PGLYRP4: variants seen among roughly 807,000 people sequenced by gnomAD.
PGLYRP4 encodes the protein PGRP-I-beta.
Under a neutral mutation model 41.2 loss-of-function variants are expected in PGLYRP4, and 39 were observed. That is an observed-to-expected ratio of 0.95 (90% CI 0.73 to 1.24). The LOEUF (loss-of-function observed/expected upper bound fraction) is 1.24. Among genes scored for constraint, PGLYRP4 ranks in the 50% most tolerant of loss-of-function variants. PGLYRP4 has a pLI of 0.00. For missense variants in PGLYRP4, 467 were observed against 460.7 expected (o/e 1.01, Z -0.13); for synonymous variants, 202 against 186.8 (o/e 1.08, Z -0.66).
Position 153,345,391 on chromosome 1 carries a change from C to A in PGLYRP4, c.140-9G>T. 6.2e-7 allele frequency: 1 copy of A among 1,612,016 alleles called. No individual in the cohort carries two copies. The highest frequency in any genetic ancestry group is 8.5e-7 in the Non-Finnish European group (1 of 1,178,170). On this transcript the variant is annotated splice_polypyrimidine_tract_variant and intron_variant, in intron 3 of 8. Transcript: ENST00000359650. ...GACATCTGTGGGAAGGCCTTGGGGA[C>A]GTCACTCAGCGCACCTGCCCCATCA...
intron 6 of PGLYRP4, 150 bp from the exon 7 acceptor site, chr1:153,340,729 G>T (rs1455769377): frequency 3.1e-6 from 2 of 648,386 alleles, no homozygotes; most frequent in African/African-American, 3.7e-5. Context: ...GCCCCCAACA[G>T]TGGGACTTGA....
At position 153,345,340 on chromosome 1, in the gene PGLYRP4, C is replaced by A. The variant is rs572609507; in HGVS notation, c.182G>T (p.Trp61Leu). The A allele has an allele frequency of 2.5e-6, 4 of 1,614,186 alleles. No individual in the cohort carries two copies. In the East Asian group the frequency reaches 8.9e-5, roughly 36 times the overall value. ...ACTGCAGCCAACAGCTTCTGCCCCC[C>A]ATGCCTTGCGAGAGACCGTGGTGGA... ...DVSTTVSRKA[W>L]GAEAVGCSIQ... Residue 61 changes from tryptophan (W) to leucine (L), a missense_variant, in exon 4 of 9, where the codon TGG (tryptophan) becomes TTG (leucine). Coordinates refer to ENST00000359650, the MANE Select transcript of PGLYRP4 (RefSeq NM_020393.4).
In PGLYRP4 at chr1:153,340,474, C is replaced by T; in HGVS notation, c.731G>A (p.Arg244Lys). 1 of 1,614,202 alleles carries T rather than the reference C, an allele frequency of 6.2e-7. No individual in the cohort carries two copies. The highest frequency in any genetic ancestry group is 8.5e-7 in the Non-Finnish European group (1 of 1,180,022). ...KYGIIIHTAG[R>K]TCNISDECRL... Reference sequence around the variant, plus strand: ...GCACTCATCAGAAATGTTGCAGGTCCTCCCGGCAGTGTGGATAATGATGCC... The same window carrying T: ...GCACTCATCAGAAATGTTGCAGGTCTTCCCGGCAGTGTGGATAATGATGCC... Residue 244 changes from arginine (R) to lysine (K), a missense_variant, in exon 7 of 9, where the codon AGG becomes AAG. Transcript: ENST00000359650.
rs191208797 is a variant in PGLYRP4, at chr1:153,345,751, C to T, written c.139+351G>A. ...GTGTGCTCTCTGATCATTTCCTCTGCGGTTCTGAGTGTTCCCTGAGGGGAC... is the reference window on the plus strand; with the variant it reads ...GTGTGCTCTCTGATCATTTCCTCTGTGGTTCTGAGTGTTCCCTGAGGGGAC... On this transcript the variant is annotated intron_variant, in intron 3 of 8. Coordinates refer to ENST00000359650, the MANE Select transcript of PGLYRP4 (RefSeq NM_020393.4). Among the ~76,000 whole-genome samples the T allele has an allele frequency of 3.1e-3, 468 of 152,318 alleles. 2 individuals carry two copies. Among genetic ancestry groups the T allele is most frequent in the African/African-American group, 0.01 (422 of 41,562 alleles).
At chr1:153,338,873 A>ATTG (rs1660677578) in intron 7 of PGLYRP4, among the ~76,000 whole-genome samples, 1 of 152,138 alleles carries the variant, frequency 6.6e-6, no homozygotes, top group Admixed American at 6.5e-5. Flanking sequence ...CCCTACTAGA[A>ATTG]CTTATTTGTT....
intron 5 of PGLYRP4, 45 bp downstream of exon 5, chr1:153,343,045 G>A: frequency 1.6e-6 from 2 of 1,237,476 alleles, no homozygotes; most frequent in Non-Finnish European, 2.4e-6. Context: ...CTGAGACAAA[G>A]GATTAGAGAA....
At chr1:153,336,369 C>CAAAAAAACAAAAA (rs1660561855) in intron 8 of PGLYRP4, among the ~76,000 whole-genome samples, 1 of 76,498 alleles carries the variant, frequency 1.3e-5, no homozygotes, top group Non-Finnish European at 2.2e-5. Flanking sequence ...GACTCCATCT[C>CAAAAAAACAAAAA]AAAAAAAAAA....
Position 153,340,435 on chromosome 1 carries a change from C to A in PGLYRP4, c.770G>T (p.Arg257Leu). 1.2e-6 allele frequency: 2 copies of A among 1,614,138 alleles called. No homozygotes were observed. Among genetic ancestry groups the A allele is most frequent in the African/African-American group, 1.3e-5 (1 of 75,012 alleles). Residue 257 changes from arginine (R) to leucine (L), a missense_variant, in exon 7 of 9, where the codon CGG (arginine) becomes CTG (leucine). By Grantham distance (102) the Arg-to-Leu change is moderately radical. Coordinates refer to ENST00000359650, the MANE Select transcript of PGLYRP4 (RefSeq NM_020393.4). ...GTCTATGTAGAAAGACTGGATGTCC[C>A]GGACCAGCAGGCGGCACTCATCAGA... The part of the protein sequence containing the change: ...NISDECRLLV[R>L]DIQSFYIDRL...
rs906711578 is a variant in PGLYRP4 at position 153,339,179 on chromosome 1, C to G, written c.824+1202G>C. Among the ~76,000 whole-genome samples, 19 of 152,350 alleles carry G rather than the reference C, an allele frequency of 1.2e-4. No individual in the cohort carries two copies. The South Asian group carries it at 3.5e-3, about 28-fold the overall frequency. On this transcript the variant is annotated intron_variant, in intron 7 of 8. Coordinates refer to ENST00000359650, the MANE Select transcript of PGLYRP4 (RefSeq NM_020393.4). ...GACCTGAATGGAAAAAGGGAAAGGG[C>G]CTCCCCTCAGCCTCCACCACTTTCC...
rs201890699 is a variant in PGLYRP4, at chr1:153,346,085, A to T, written c.139+17T>A. On this transcript the variant is annotated intron_variant, in intron 3 of 8. Transcript: ENST00000359650. Reference sequence around the variant, plus strand: ...CAGCTCGTCCCAAAACCCCCTTACTATCCAGATCCAGTTTACCTTTTTCAG... The same window carrying T: ...CAGCTCGTCCCAAAACCCCCTTACTTTCCAGATCCAGTTTACCTTTTTCAG... 8.2e-4 allele frequency: 1,301 copies of T among 1,585,400 alleles called. 3 individuals are homozygous for T. The highest frequency in any genetic ancestry group is 1.0e-3 in the Non-Finnish European group (1,183 of 1,153,922).
chr1:153,346,904 G>A (rs2916210), intron 2 of PGLYRP4, among the ~76,000 whole-genome samples: 125,930 of 151,800 alleles, frequency 0.83, 52,414 homozygotes, highest in East Asian at 0.88. Flanking sequence ...TTTTCAGATG[G>A]GAAAATAAGG....
rs187630890 is a variant in PGLYRP4, at chr1:153,341,288, A to G, written c.625+339T>C. 5.9e-5 allele frequency among the ~76,000 whole-genome samples: 9 copies of G among 152,294 alleles called. No homozygotes were observed. In the East Asian group the frequency reaches 1.3e-3, roughly 23 times the overall value. ...TCTCTGCCCTCTAGACTGAAACTTC[A>G]TGAGGCCAGGGACTTTTGCTTTTCA... On this transcript the variant is annotated intron_variant, in intron 6 of 8. Coordinates refer to ENST00000359650, the MANE Select transcript of PGLYRP4 (RefSeq NM_020393.4).
At position 153,337,113 on chromosome 1, in the gene PGLYRP4, G is replaced by A. The variant is rs1660598723; in HGVS notation, c.943+68C>T. Reference sequence around the variant, plus strand: ...AAATGACGCTTGAGACTGAGACTTTGTCTTCCATGTCAGATGCTCTCTTTC... The same window carrying A: ...AAATGACGCTTGAGACTGAGACTTTATCTTCCATGTCAGATGCTCTCTTTC... On this transcript the variant is annotated intron_variant, in intron 8 of 8. Transcript: ENST00000359650. 10 of 1,133,180 alleles carry A rather than the reference G, an allele frequency of 8.8e-6. No homozygotes were observed. The South Asian group carries it at 1.1e-4, about 13-fold the overall frequency. 70.2% of individuals were successfully genotyped at this position (1,133,180 alleles called of 1,614,324 possible).
At chr1:153,345,457 C>T (rs548627376) in intron 3 of PGLYRP4, 75 bp from the exon 4 acceptor site, 86 of 1,342,256 alleles carry the variant, frequency 6.4e-5, no homozygotes, top group Non-Finnish European at 8.5e-5. Flanking sequence ...CAGGCATGGG[C>T]TGTGTCGGCC....
rs1227384991 is a variant in PGLYRP4 at position 153,343,159 on chromosome 1, T to C, written c.403A>G (p.Ile135Val). Residue 135 changes from isoleucine to valine, a missense_variant, in exon 5 of 9, where the codon ATC becomes GTC. Ile to Val is a conservative substitution (Grantham distance 29). Transcript: ENST00000359650. Reference sequence around the variant, plus strand: ...TAGCCTTGGGTGTGCACTCCTTGGATATTCCAGCCAACACCTTCATACACC... The same window carrying C: ...TAGCCTTGGGTGTGCACTCCTTGGACATTCCAGCCAACACCTTCATACACC... ...GRVYEGVGWN[I>V]QGVHTQGYNN... 1 of 1,613,998 alleles carries C rather than the reference T, an allele frequency of 6.2e-7. No individual in the cohort carries two copies. The highest frequency in any genetic ancestry group is 2.2e-5 in the East Asian group (1 of 44,884).
chr1:153,330,698 C>T lies in PGLYRP4; in HGVS notation c.*69G>A, dbSNP rs1660298701. On this transcript the variant is annotated 3_prime_UTR_variant, in exon 9 of 9. Transcript: ENST00000359650. Reference sequence around the variant, plus strand: ...GGAGGGCAAAAGGTGTTGAGCCAAGCTGGATGGTTAGGACAGGAGAGACCT... The same window carrying T: ...GGAGGGCAAAAGGTGTTGAGCCAAGTTGGATGGTTAGGACAGGAGAGACCT... 2.8e-6 allele frequency: 4 copies of T among 1,404,770 alleles called. No homozygotes were observed. The Admixed American group carries it at 7.6e-5, about 27-fold the overall frequency. The allele number at this position is 1,404,770 out of a possible 1,614,324, so 87.0% of individuals were successfully genotyped here. A position where few individuals can be genotyped will look rare whatever the true frequency, so the allele number is the denominator to read the frequency against.
intron 8 of PGLYRP4, among the ~76,000 whole-genome samples, chr1:153,335,314 C>T (rs1373275185): frequency 1.3e-5 from 2 of 151,998 alleles, no homozygotes; most frequent in East Asian, 1.9e-4. Context: ...GAGCTAATAC[C>T]CGGAATCTAC....
rs1365228073 is a variant in PGLYRP4 at position 153,347,922 on chromosome 1, C to T, written c.11G>A (p.Trp4Ter). ...ACCCAGAGCAGAGAAGACAAGAAGC[C>T]ACGGCAGCATCCCCACGTGGTCCCA... MLP[W>*]LLVFSALGIQ... is the part of the protein sequence containing the mutation. Residue 4 changes from tryptophan (W) to a stop codon, truncating the protein, a stop_gained, in exon 2 of 9, where the codon TGG (tryptophan) becomes TAG (stop). Coordinates refer to ENST00000359650, the MANE Select transcript of PGLYRP4 (RefSeq NM_020393.4). LOFTEE classifies it high-confidence loss of function. 1 of 1,613,656 alleles carries T rather than the reference C, an allele frequency of 6.2e-7. No individual in the cohort carries two copies. The highest frequency in any genetic ancestry group is 8.5e-7 in the Non-Finnish European group (1 of 1,179,654).
rs375326088 is a variant in PGLYRP4 at position 153,336,329 on chromosome 1, C to T, written c.943+852G>A. Among the ~76,000 whole-genome samples the T allele has an allele frequency of 1.2e-4, 14 of 114,808 alleles. No homozygotes were observed. In the East Asian group the frequency reaches 1.2e-3, roughly 10 times the overall value. 75.3% of individuals were successfully genotyped at this position (114,808 alleles called of 152,430 possible). A position where few individuals can be genotyped will look rare whatever the true frequency, so the allele number is the denominator to read the frequency against. ...GAGGTTTCAGTAAGCCAAAACTGCA[C>T]ATTGTGTTCCAGCCTGGGTGACAGA... On this transcript the variant is annotated intron_variant, in intron 8 of 8. Coordinates refer to ENST00000359650, the MANE Select transcript of PGLYRP4 (RefSeq NM_020393.4).
Sources: allele counts gnomAD v4.1 joint callset (sites outside exome capture counted in the v4.1 genomes callset), GRCh38; gene constraint gnomAD v4.1.1; transcripts MANE v1.5; gene names NCBI Gene and HGNC (gene_info 2026-07-23, HGNC 2026-07-21).